Variants in MDGA2 observed in about 807,000 individuals in gnomAD.
The protein encoded by MDGA2 is MAM domain containing glycosylphosphatidylinositol anchor 2.
A neutral mutation model predicts 117.8 loss-of-function variants in MDGA2; 40 were observed. That is an observed-to-expected ratio of 0.34 (90% CI 0.26 to 0.44). The LOEUF (loss-of-function observed/expected upper bound fraction) is 0.44, where lower values mean the gene tolerates loss of function less well. Ranked by LOEUF, MDGA2 falls within the 20% of genes least tolerant of loss-of-function variation. The pLI is 1.00. For synonymous variants in MDGA2, 452 were observed against 439.0 expected (o/e 1.03, Z -0.37); for missense variants, 1,123 against 1,250.6 (o/e 0.90, Z 1.54).
intron 1 of MDGA2, among the ~76,000 whole-genome samples, chr14:47,651,213 G>GGTGTGTGTGT (rs56853118): frequency 2.2e-3 from 322 of 146,516 alleles, no homozygotes; most frequent in East Asian, 8.5e-3. Context: ...GTGTGCATGT[G>GGTGTGTGTGT]GTGTGTGTGT....
intron 9 of MDGA2, among the ~76,000 whole-genome samples, chr14:46,933,799 A>AATATATATATAT (rs34723414): frequency 5.7e-5 from 5 of 87,326 alleles, no homozygotes; most frequent in Non-Finnish European, 9.4e-5. Flanking sequence ...TTATGTAACA[A>AATATATATATAT]ATATATATAT....
intron 9 of MDGA2, among the ~76,000 whole-genome samples, chr14:46,939,383 A>G (rs762120792): frequency 5.3e-5 from 8 of 152,158 alleles, no homozygotes; most frequent in Non-Finnish European, 1.0e-4. Flanking sequence ...ATAAATAAGT[A>G]AAATTATTAT....
intron 8 of MDGA2, among the ~76,000 whole-genome samples, chr14:46,962,989 C>G (rs1178259888): frequency 6.6e-6 from 1 of 152,032 alleles, no homozygotes; most frequent in Non-Finnish European, 1.5e-5. Context: ...GTACCAAATG[C>G]TATCAAAAAA....
At chr14:47,605,652 A>T (rs907534814) in intron 1 of MDGA2, among the ~76,000 whole-genome samples, 2 of 152,234 alleles carry the variant, frequency 1.3e-5, no homozygotes, top group Non-Finnish European at 2.9e-5. Flanking sequence ...CAATGAAAAA[A>T]AAAAGATTAA....
intron 1 of MDGA2, among the ~76,000 whole-genome samples, chr14:47,656,512 TG>T (rs1266255220): frequency 6.6e-6 from 1 of 152,138 alleles, no homozygotes; most frequent in African/African-American, 2.4e-5. Context: ...ATAAGTTGTA[TG>T]GAAAGAGAAG....
intron 8 of MDGA2, among the ~76,000 whole-genome samples, chr14:47,018,619 G>A (rs1159882502): frequency 6.7e-6 from 1 of 149,516 alleles, no homozygotes; most frequent in East Asian, 2.0e-4. Flanking sequence ...GAGAACACAG[G>A]AAGAATTCAA....
At chr14:47,375,484 T>C (rs1477876211) in intron 1 of MDGA2, among the ~76,000 whole-genome samples, 4 of 152,110 alleles carry the variant, frequency 2.6e-5, no homozygotes, top group African/African-American at 7.2e-5. Context: ...GATGTACTCA[T>C]GATATTTTAA....
chr14:47,155,885 C>CTTTTTTTTTTTT (rs1883353082), intron 3 of MDGA2, among the ~76,000 whole-genome samples: 2 of 80,444 alleles, frequency 2.5e-5, no homozygotes, highest in African/African-American at 4.4e-5. Flanking sequence ...TCTTCTTCTT[C>CTTTTTTTTTTTT]TTCTTTTTTT....
intron 1 of MDGA2, among the ~76,000 whole-genome samples, chr14:47,451,840 G>A (rs909409196): frequency 4.6e-5 from 7 of 152,002 alleles, no homozygotes; most frequent in African/African-American, 1.2e-4. Context: ...TTAAGCAAAT[G>A]GAAATATATA....
At chr14:47,441,260 A>G (rs1479886485) in intron 1 of MDGA2, among the ~76,000 whole-genome samples, 2 of 152,132 alleles carry the variant, frequency 1.3e-5, no homozygotes, top group Non-Finnish European at 2.9e-5. Context: ...ACGGAAACCA[A>G]GTGTGGAGAG....
At chr14:47,478,953 T>C (rs1951099163) in intron 1 of MDGA2, among the ~76,000 whole-genome samples, 1 of 152,182 alleles carries the variant, frequency 6.6e-6, no homozygotes, top group South Asian at 2.1e-4. Flanking sequence ...GATTTTGCAA[T>C]AGTTCCATCA....
chr14:46,886,179 GT>G (rs1015365950), intron 10 of MDGA2, among the ~76,000 whole-genome samples: 2 of 152,020 alleles, frequency 1.3e-5, no homozygotes, highest in African/African-American at 2.4e-5. Context: ...TAAAAGCCAT[GT>G]TACAATGAGA....
At chr14:47,565,525 C>T (rs1246502385) in intron 1 of MDGA2, among the ~76,000 whole-genome samples, 2 of 152,140 alleles carry the variant, frequency 1.3e-5, no homozygotes, top group East Asian at 1.9e-4. Flanking sequence ...CGAGTGAGTC[C>T]GCATTCCCAA....
At chr14:47,242,180 G>A (rs1185085041) in intron 2 of MDGA2, among the ~76,000 whole-genome samples, 2 of 151,890 alleles carry the variant, frequency 1.3e-5, no homozygotes, top group Non-Finnish European at 2.9e-5. Flanking sequence ...CACGCTTGCA[G>A]TTCTGCTTTT....
chr14:46,899,774 C>A (rs1488615609), intron 10 of MDGA2, among the ~76,000 whole-genome samples: 1 of 151,972 alleles, frequency 6.6e-6, no homozygotes, highest in Non-Finnish European at 1.5e-5. Context: ...CTGGATACTG[C>A]AATACTAATT....
At chr14:47,325,474 C>A (rs2139891718) in intron 1 of MDGA2, among the ~76,000 whole-genome samples, 1 of 152,230 alleles carries the variant, frequency 6.6e-6, no homozygotes, top group Non-Finnish European at 1.5e-5. Flanking sequence ...ACCCAAGGAG[C>A]TGCATTAATG....
intron 1 of MDGA2, among the ~76,000 whole-genome samples, chr14:47,672,836 C>T (rs528037554): frequency 6.6e-6 from 1 of 152,104 alleles, no homozygotes; most frequent in Non-Finnish European, 1.5e-5. Flanking sequence ...CAGAGGGCAC[C>T]GGGGTCCAGG....
intron 1 of MDGA2, among the ~76,000 whole-genome samples, chr14:47,429,086 G>A (rs992855746): frequency 5.3e-5 from 8 of 151,710 alleles, no homozygotes; most frequent in African/African-American, 1.5e-4. Context: ...GTAGCCAGGC[G>A]TAGTGGCGGG....
chr14:47,156,442 A>G (rs2139254159), intron 3 of MDGA2, among the ~76,000 whole-genome samples: 1 of 152,094 alleles, frequency 6.6e-6, no homozygotes, highest in South Asian at 2.1e-4. Context: ...CTCCACTACC[A>G]CTCGAGTTTC....
Sources: allele counts gnomAD v4.1 joint callset (sites outside exome capture counted in the v4.1 genomes callset), GRCh38; gene constraint gnomAD v4.1.1; transcripts MANE v1.5; gene names NCBI Gene and HGNC (gene_info 2026-07-23, HGNC 2026-07-21).